Variants in AKAIN1 observed in about 807,000 individuals in gnomAD.
AKAIN1 encodes A-kinase anchor protein inhibitor 1.
In AKAIN1, 3 loss-of-function variants were observed where a neutral mutation model predicts 3.7. That is an observed-to-expected ratio of 0.82 (90% CI 0.37 to 2.12). The LOEUF (loss-of-function observed/expected upper bound fraction) is 2.12, where lower values mean the gene tolerates loss of function less well. Ranked by LOEUF, AKAIN1 falls within the 30% of genes most tolerant of loss-of-function variation. The pLI is 0.06. For synonymous variants in AKAIN1, 31 were observed against 30.8 expected, an observed-to-expected ratio of 1.01 and a Z score of -0.02; for missense variants, 82 against 82.7, an observed-to-expected ratio of 0.99 and a Z score of 0.03.
intron 1 of AKAIN1, among the ~76,000 whole-genome samples, chr18:5,194,445 T>C (rs2071337200): frequency 6.6e-6 from 1 of 151,494 alleles, no homozygotes; most frequent in African/African-American, 2.4e-5. Context: ...TGTAAGAATA[T>C]GTTATGGCAT....
rs895646791 is a variant in AKAIN1, at chr18:5,145,598, G to T, written c.174C>A (p.Gly58=). ...CGTGCTTCTTGGTTAACTCCCCAAC[G>T]CCCAGTTGGATGTGGTCCCGGTTGT... ...ISDNRDHIQL[G]VGELTKKHEK... is the part of the protein sequence containing the mutation. Residue 58 remains glycine, a synonymous_variant, in exon 2 of 2, where the codon GGC becomes GGA. Coordinates refer to ENST00000434239, the MANE Select transcript of AKAIN1 (RefSeq NM_001145194.2). The T allele has an allele frequency of 6.4e-7, 1 of 1,551,532 alleles. No homozygotes were observed. The highest frequency in any genetic ancestry group is 2.0e-5 in the Admixed American group (1 of 50,998).
chr18:5,147,188 T>C (rs2071054064), intron 1 of AKAIN1, among the ~76,000 whole-genome samples: 1 of 152,156 alleles, frequency 6.6e-6, no homozygotes, highest in Non-Finnish European at 1.5e-5. Flanking sequence ...ATACAAACTG[T>C]TTTCAGGGAT....
At chr18:5,188,468 C>T (rs62082403) in intron 1 of AKAIN1, among the ~76,000 whole-genome samples, 21,826 of 151,992 alleles carry the variant, frequency 0.14, 2,052 homozygotes, top group Middle Eastern at 0.27. Flanking sequence ...CCGTGCTGCC[C>T]ACCCCTCCCC....
At chr18:5,183,367 C>T (rs1246947282) in intron 1 of AKAIN1, among the ~76,000 whole-genome samples, 3 of 151,910 alleles carry the variant, frequency 2.0e-5, no homozygotes, top group African/African-American at 4.8e-5. Flanking sequence ...TTGAATGATA[C>T]TGTGAGTGAT....
chr18:5,180,575 G>A (rs1341332920), intron 1 of AKAIN1, among the ~76,000 whole-genome samples: 1 of 152,120 alleles, frequency 6.6e-6, no homozygotes, highest in Admixed American at 6.6e-5. Flanking sequence ...TTAGAGTAAA[G>A]TAACTGTTAA....
intron 1 of AKAIN1, among the ~76,000 whole-genome samples, chr18:5,170,454 C>G (rs975470462): frequency 2.0e-5 from 3 of 152,090 alleles, no homozygotes; most frequent in Non-Finnish European, 4.4e-5. Flanking sequence ...TTCCAATTTC[C>G]TTATGTTTAA....
upstream of AKAIN1, chr18:5,197,578 A>G (rs1000613577): frequency 3.4e-6 from 3 of 881,670 alleles, no homozygotes; most frequent in African/African-American, 5.2e-5. This position sits in a 1 kb window ranked among gnomAD's most constrained non-coding sequence, Gnocchi z 6.9. Context: ...GCTGGCTCGA[A>G]TAGAGGGGCG....
chr18:5,176,917 G>T (rs2071229861), intron 1 of AKAIN1, among the ~76,000 whole-genome samples: 1 of 151,956 alleles, frequency 6.6e-6, no homozygotes. Context: ...ATACAGTCTG[G>T]AAAGTCTTCA....
intron 1 of AKAIN1, among the ~76,000 whole-genome samples, chr18:5,152,162 C>T (rs1222906367): frequency 6.6e-6 from 1 of 152,232 alleles, no homozygotes; most frequent in Non-Finnish European, 1.5e-5. Context: ...TCAGGCTGCG[C>T]TCTGGCCCGC....
intron 1 of AKAIN1, among the ~76,000 whole-genome samples, chr18:5,175,204 T>A (rs2071219335): frequency 6.6e-6 from 1 of 152,134 alleles, no homozygotes; most frequent in Non-Finnish European, 1.5e-5. Context: ...CCTCCCCATT[T>A]GTATACTCAT....
chr18:5,156,605 G>C lies in AKAIN1; in HGVS notation c.17-10850C>G, dbSNP rs571372972. 2.0e-5 allele frequency among the ~76,000 whole-genome samples: 3 copies of C among 152,276 alleles called. No homozygotes were observed. The East Asian group carries it at 5.8e-4, about 29-fold the overall frequency. On this transcript the variant is annotated intron_variant, in intron 1 of 1. Transcript: ENST00000434239. ...TCCCTTCATGACACAATGACAAGAA[G>C]AGGCTATGAATTCAGTAATGCTTTT...
intron 1 of AKAIN1, 129 bp downstream of exon 1, chr18:5,196,909 T>A: frequency 2.3e-6 from 2 of 862,494 alleles, no homozygotes; most frequent in Non-Finnish European, 3.8e-6. Context: ...CTCCGCCCCA[T>A]GAGCACAGAC....
chr18:5,171,905 T>C (rs391553), intron 1 of AKAIN1, among the ~76,000 whole-genome samples: 92,689 of 152,016 alleles, frequency 0.61, 29,150 homozygotes, highest in African/African-American at 0.76. Context: ...TTTATTACAG[T>C]ATGATCCACA....
chr18:5,165,058 A>G (rs1428938537), intron 1 of AKAIN1, among the ~76,000 whole-genome samples: 1 of 152,036 alleles, frequency 6.6e-6, no homozygotes, highest in Non-Finnish European at 1.5e-5. Context: ...CCTGCTGTGT[A>G]CAATTGGTGT....
chr18:5,151,960 A>G (rs1283665149), intron 1 of AKAIN1, among the ~76,000 whole-genome samples: 1 of 152,242 alleles, frequency 6.6e-6, no homozygotes, highest in East Asian at 1.9e-4. Flanking sequence ...CAGAACAGTC[A>G]TAGTCCCTAC....
intron 1 of AKAIN1, among the ~76,000 whole-genome samples, chr18:5,147,231 TGA>T (rs1449816760): frequency 6.6e-6 from 1 of 152,224 alleles, no homozygotes; most frequent in Non-Finnish European, 1.5e-5. Context: ...TGGTATCCAA[TGA>T]CCAAGAAGCC....
At chr18:5,174,557 A>C (rs930830221) in intron 1 of AKAIN1, among the ~76,000 whole-genome samples, 1 of 152,134 alleles carries the variant, frequency 6.6e-6, no homozygotes, top group East Asian at 1.9e-4. Flanking sequence ...CCTGGCCAAC[A>C]TGGCAAAACC....
intron 1 of AKAIN1, among the ~76,000 whole-genome samples, chr18:5,166,855 C>T (rs1383081114): frequency 6.6e-6 from 1 of 152,052 alleles, no homozygotes; most frequent in East Asian, 1.9e-4. Flanking sequence ...CAGTTGTAGA[C>T]ACTTTTTAAA....
intron 1 of AKAIN1, among the ~76,000 whole-genome samples, chr18:5,153,254 G>A (rs1475292537): frequency 6.6e-6 from 1 of 151,782 alleles, no homozygotes; most frequent in Non-Finnish European, 1.5e-5. Context: ...ACTTGCAAAG[G>A]AAAAGACAAT....
Sources: gnomAD v4.1 joint callset for allele counts (sites outside exome capture counted in the v4.1 genomes callset) on GRCh38, gnomAD v4.1.1 for gene constraint, Gnocchi (gnomAD v3.1) non-coding constraint, MANE v1.5 for transcripts, NCBI Gene and HGNC (gene_info 2026-07-23, HGNC 2026-07-21) for gene names.